The following BAZ2B variants were observed in gnomAD, a reference collection of about 807,000 sequenced individuals.
The protein encoded by BAZ2B is bromodomain adjacent to zinc finger domain protein 2B.
Under a neutral mutation model 246.0 loss-of-function variants are expected in BAZ2B, and 91 were observed. The ratio of observed to expected loss-of-function variants is 0.37; its 90% CI spans 0.31 to 0.44. BAZ2B has a LOEUF of 0.44. Among genes scored for constraint, BAZ2B ranks in the 20% least tolerant of loss-of-function variants. BAZ2B has a pLI of 1.00. For missense variants in BAZ2B, 2,332 were observed against 2,533.7 expected, an observed-to-expected ratio of 0.92 and a Z score of 1.71; for synonymous variants, 855 against 860.0, an observed-to-expected ratio of 0.99 and a Z score of 0.10.
chr2:159,480,145 T>C (rs1306284674), intron 2 of BAZ2B, among the ~76,000 whole-genome samples: 4 of 152,242 alleles, frequency 2.6e-5, no homozygotes, highest in South Asian at 2.1e-4. Context: ...ACAAAAAATA[T>C]GGACTCTTTA....
intron 16 of BAZ2B, 192 bp downstream of exon 16, chr2:159,404,657 T>G (rs1451214196): frequency 3.9e-6 from 2 of 516,966 alleles, no homozygotes; most frequent in Non-Finnish European, 6.7e-6. Flanking sequence ...ATCATTTCTT[T>G]AAACACTTGG....
intron 14 of BAZ2B, among the ~76,000 whole-genome samples, chr2:159,410,937 T>C (rs559179177): frequency 1.7e-3 from 260 of 152,348 alleles, no homozygotes; most frequent in Non-Finnish European, 3.4e-3. Flanking sequence ...AGGATATATA[T>C]GTATATGTGA....
chr2:159,658,479 G>A, the BAZ2B span, among the ~76,000 whole-genome samples: 27 of 151,948 alleles, frequency 1.8e-4, no homozygotes, highest in Non-Finnish European at 3.1e-4. Flanking sequence ...AACCACAAGC[G>A]TGTACCACCA....
At chr2:159,691,287 A>G in the BAZ2B span, among the ~76,000 whole-genome samples, 1 of 152,028 alleles carries the variant, frequency 6.6e-6, no homozygotes, top group East Asian at 1.9e-4. Context: ...AGCGGTGCTG[A>G]CTCCCTACTC....
intron 1 of BAZ2B, among the ~76,000 whole-genome samples, chr2:159,601,412 A>G (rs1692103167): frequency 7.3e-6 from 1 of 137,628 alleles, no homozygotes; most frequent in Non-Finnish European, 1.5e-5. Flanking sequence ...TGACAGAGTG[A>G]TACCCTGTCT....
the BAZ2B span, among the ~76,000 whole-genome samples, chr2:159,691,759 G>A: frequency 2.0e-5 from 3 of 152,318 alleles, no homozygotes; most frequent in South Asian, 2.1e-4. Context: ...AAGAATACAT[G>A]AGAATTGCAA....
At chr2:159,460,938 A>G (rs2076331397) in intron 3 of BAZ2B, 1 of 152,428 alleles carries the variant, frequency 6.6e-6, no homozygotes. Flanking sequence ...TAATTTTAGA[A>G]CAAAACAGGT....
In BAZ2B at chr2:159,455,207, G is replaced by A. The variant is rs371634838; in HGVS notation, c.146-1406C>T. ...AATTTACAAATGTAAGTTAAAAATA[G>A]TATACTTATTATTATTTAGTTATCA... On this transcript the variant is annotated intron_variant, in intron 3 of 36. Transcript: ENST00000392783. Among the ~76,000 whole-genome samples, 65 of 151,996 alleles carry A rather than the reference G, an allele frequency of 4.3e-4. 1 individual carries two copies. Among genetic ancestry groups the A allele is most frequent in the African/African-American group, 1.5e-3 (61 of 41,442 alleles).
In BAZ2B at chr2:159,546,976, T is replaced by C. The variant is rs141715486; in HGVS notation, c.-3+8847A>G. ...TTTAGTGCCAAGTGTCTACGTTTTC[T>C]GAAATTTCCTTTCCATAAAGATGAC... On this transcript the variant is annotated intron_variant, in intron 2 of 36. Coordinates refer to ENST00000392783, the MANE Select transcript of BAZ2B (RefSeq NM_013450.4). Among the ~76,000 whole-genome samples the C allele has an allele frequency of 4.7e-3, 717 of 152,304 alleles. 6 individuals are homozygous for C. Among genetic ancestry groups the C allele is most frequent in the African/African-American group, 0.016 (679 of 41,570 alleles).
At chr2:159,566,718 G>A (rs146395524) in intron 1 of BAZ2B, among the ~76,000 whole-genome samples, 212 of 152,070 alleles carry the variant, frequency 1.4e-3, no homozygotes, top group Middle Eastern at 6.8e-3. Flanking sequence ...TACTAATTAC[G>A]TATTTGTGTA....
At chr2:159,595,980 G>C (rs556360469) in intron 1 of BAZ2B, among the ~76,000 whole-genome samples, 1 of 127,220 alleles carries the variant, frequency 7.9e-6, no homozygotes, top group African/African-American at 3.2e-5. Context: ...TTGGGAGGCT[G>C]CTTGATTCGT....
chr2:159,484,135 C>T (rs2079557726), intron 2 of BAZ2B, among the ~76,000 whole-genome samples: 1 of 152,110 alleles, frequency 6.6e-6, no homozygotes, highest in Non-Finnish European at 1.5e-5. Context: ...CTAAAATGGA[C>T]AAGAAGAACA....
intron 33 of BAZ2B, among the ~76,000 whole-genome samples, chr2:159,336,228 G>T (rs965317935): frequency 6.6e-6 from 1 of 152,116 alleles, no homozygotes; most frequent in African/African-American, 2.4e-5. Flanking sequence ...TTCTATATAT[G>T]ATAATATAAA....
chr2:159,566,907 G>C (rs1682736294), intron 1 of BAZ2B, among the ~76,000 whole-genome samples: 1 of 152,046 alleles, frequency 6.6e-6, no homozygotes, highest in African/African-American at 2.4e-5. Flanking sequence ...AGGAAACGGA[G>C]AAAGAAAAAT....
In BAZ2B at chr2:159,613,459, TA is replaced by T. The variant is rs70997176; in HGVS notation, c.-46+2782del. ...TTTTAAAGCATACAATCTGATTTTC[TA>T]AAAAAAAAAAAAAAAAAGACTCTTC... On this transcript the variant is annotated intron_variant, in intron 1 of 36. Coordinates refer to ENST00000392783, the MANE Select transcript of BAZ2B (RefSeq NM_013450.4). 4.1e-3 allele frequency among the ~76,000 whole-genome samples: 598 copies of T among 144,406 alleles called. 2 individuals carry two copies. Among genetic ancestry groups the T allele is most frequent in the South Asian group, 9.8e-3 (45 of 4,614 alleles). 94.7% of individuals were successfully genotyped at this position (144,406 alleles called of 152,430 possible). A position where few individuals can be genotyped will look rare whatever the true frequency, so the allele number is the denominator to read the frequency against.
chr2:159,704,218 A>T, the BAZ2B span, among the ~76,000 whole-genome samples: 1 of 152,224 alleles, frequency 6.6e-6, no homozygotes, highest in Non-Finnish European at 1.5e-5. Flanking sequence ...TATAGCTTTT[A>T]AAGTATTATT....
intron 1 of BAZ2B, among the ~76,000 whole-genome samples, chr2:159,613,641 G>A (rs1314473053): frequency 2.6e-5 from 4 of 152,206 alleles, no homozygotes; most frequent in African/African-American, 7.2e-5. Flanking sequence ...GTTTACAATA[G>A]GTGTGAGACA....
intron 1 of BAZ2B, among the ~76,000 whole-genome samples, chr2:159,592,937 T>C (rs1689737666): frequency 6.6e-6 from 1 of 152,196 alleles, no homozygotes; most frequent in Admixed American, 6.5e-5. Flanking sequence ...CTTATTCATC[T>C]CTTTATTCCC....
chr2:159,680,198 C>A, the BAZ2B span, among the ~76,000 whole-genome samples: 1 of 152,084 alleles, frequency 6.6e-6, no homozygotes, highest in African/African-American at 2.4e-5. Flanking sequence ...TATAATCTTA[C>A]AAAAAGGAAA....
Sources: gnomAD v4.1 joint callset for allele counts (sites outside exome capture counted in the v4.1 genomes callset) on GRCh38, gnomAD v4.1.1 for gene constraint, MANE v1.5 for transcripts, NCBI Gene and HGNC (gene_info 2026-07-23, HGNC 2026-07-21) for gene names.